The following CD86 variants were observed in gnomAD, a reference collection of about 807,000 sequenced individuals.
The protein encoded by CD86 is T-lymphocyte activation antigen CD86.
Under a neutral mutation model 32.1 loss-of-function variants are expected in CD86, and 11 were observed. The observed-to-expected ratio is 0.34, with a 90% CI of 0.22 to 0.57. CD86 has a LOEUF of 0.57. Among genes scored for constraint, CD86 ranks in the 20% least tolerant of loss-of-function variants. The pLI, the probability that CD86 is intolerant of heterozygous loss-of-function variation, is 0.86. For synonymous variants in CD86, 137 were observed against 135.3 expected (o/e 1.01, Z -0.09); for missense variants, 359 against 398.4 (o/e 0.90, Z 0.84).
chr3:122,056,638 C>T (rs1394875305), intron 1 of CD86, among the ~76,000 whole-genome samples: 1 of 152,142 alleles, frequency 6.6e-6, no homozygotes, highest in Non-Finnish European at 1.5e-5. Flanking sequence ...CCGGCCGTCA[C>T]TATGTATTTA....
At chr3:122,089,826 A>G (rs978181931) in intron 1 of CD86, among the ~76,000 whole-genome samples, 3 of 152,254 alleles carry the variant, frequency 2.0e-5, no homozygotes, top group South Asian at 4.1e-4. Context: ...TTGTCATCCA[A>G]TAGAATACAA....
At chr3:122,062,022 C>A (rs2072344250) in intron 1 of CD86, among the ~76,000 whole-genome samples, 1 of 151,544 alleles carries the variant, frequency 6.6e-6, no homozygotes, top group African/African-American at 2.4e-5. Context: ...GTACACAGGA[C>A]TTCCCTGTAC....
chr3:122,100,873 T>G (rs1480632305), intron 2 of CD86, among the ~76,000 whole-genome samples: 1 of 152,148 alleles, frequency 6.6e-6, no homozygotes, highest in African/African-American at 2.4e-5. Context: ...GGAATCCCAG[T>G]AAGTCCAGTT....
intron 3 of CD86, among the ~76,000 whole-genome samples, chr3:122,104,871 G>T (rs921827995): frequency 2.0e-5 from 3 of 152,184 alleles, no homozygotes; most frequent in Admixed American, 2.0e-4. Context: ...TATGAATAAG[G>T]CTGCTGTAAA....
intron 1 of CD86, among the ~76,000 whole-genome samples, chr3:122,056,134 C>G (rs1198654845): frequency 2.0e-5 from 3 of 152,054 alleles, no homozygotes; most frequent in Admixed American, 1.3e-4. Context: ...CATCATCATT[C>G]TTTTTGACAG....
chr3:122,118,029 T>G lies in CD86; in HGVS notation c.848-19T>G. 1 of 1,610,440 alleles carries G rather than the reference T, an allele frequency of 6.2e-7. No individual in the cohort carries two copies. The highest frequency in any genetic ancestry group is 8.5e-7 in the Non-Finnish European group (1 of 1,176,950). On this transcript the variant is annotated intron_variant, in intron 5 of 6. Coordinates refer to ENST00000330540, the MANE Select transcript of CD86 (RefSeq NM_175862.5). ...CTAGGAGGAATACATTTTTGAAGAT[T>G]GTTCTTGGTGTCTTTCAGGAACCAA...
Position 122,119,601 on chromosome 3 carries a change from C to CT in CD86, c.*72dup. On this transcript the variant is annotated 3_prime_UTR_variant, in exon 7 of 7. Coordinates refer to ENST00000330540, the MANE Select transcript of CD86 (RefSeq NM_175862.5). ...TTTCCTTTGTAAGTTCCTGGGCAAC[C>CT]TTTTTGATTTCTTCCAGAAGGCAAA... 9.9e-7 allele frequency: 1 copy of CT among 1,012,282 alleles called. No individual in the cohort carries two copies. Among genetic ancestry groups the CT allele is most frequent in the South Asian group, 1.4e-5 (1 of 72,500 alleles). 62.7% of individuals were successfully genotyped at this position (1,012,282 alleles called of 1,614,324 possible). A position where few individuals can be genotyped will look rare whatever the true frequency, so the allele number is the denominator to read the frequency against.
At chr3:122,105,160 A>C (rs185924824) in intron 3 of CD86, among the ~76,000 whole-genome samples, 87 of 152,340 alleles carry the variant, frequency 5.7e-4, no homozygotes, top group Non-Finnish European at 1.0e-3. Flanking sequence ...GTACCATTGG[A>C]AATGTTTTAG....
intron 1 of CD86, among the ~76,000 whole-genome samples, chr3:122,082,972 T>C (rs2072655351): frequency 6.6e-6 from 1 of 152,238 alleles, no homozygotes; most frequent in Non-Finnish European, 1.5e-5. Flanking sequence ...GTCAAATGAA[T>C]AAATGAATAA....
intron 1 of CD86, among the ~76,000 whole-genome samples, chr3:122,072,577 G>A (rs1403050752): frequency 1.3e-5 from 2 of 152,100 alleles, no homozygotes; most frequent in African/African-American, 4.8e-5. Context: ...TGATGGGGTT[G>A]TTTGTTTTTT....
Position 122,113,005 on chromosome 3 carries a change from C to T in CD86, c.847+3597C>T, listed in dbSNP as rs541384327. Among the ~76,000 whole-genome samples the T allele has an allele frequency of 3.9e-5, 6 of 152,218 alleles. No homozygotes were observed. The East Asian group carries it at 1.2e-3, about 29-fold the overall frequency. ...GTGTAGTCTTTTATCTCTCACCCCTCCCACTCTTTCCTCTGAGTCCCCAAA... is the reference window on the plus strand; with the variant it reads ...GTGTAGTCTTTTATCTCTCACCCCTTCCACTCTTTCCTCTGAGTCCCCAAA... On this transcript the variant is annotated intron_variant, in intron 5 of 6. Transcript: ENST00000330540.
intron 1 of CD86, among the ~76,000 whole-genome samples, chr3:122,072,468 G>C (rs1320013050): frequency 5.3e-5 from 8 of 151,588 alleles, no homozygotes; most frequent in African/African-American, 1.2e-4. Context: ...ATTTGCATTT[G>C]TCTGATGGCC....
chr3:122,109,917 C>T lies in CD86; in HGVS notation c.847+509C>T, dbSNP rs191947201. Among the ~76,000 whole-genome samples, 20 of 152,308 alleles carry T rather than the reference C, an allele frequency of 1.3e-4. 1 individual carries two copies. Among genetic ancestry groups the T allele is most frequent in the South Asian group, 4.1e-4 (2 of 4,828 alleles). On this transcript the variant is annotated intron_variant, in intron 5 of 6. Transcript: ENST00000330540. ...AACTTTAACTAATTTCTAAGTAATA[C>T]ATATCCATTATCATATATACCAAAA...
intron 2 of CD86, among the ~76,000 whole-genome samples, chr3:122,102,117 G>A (rs768742966): frequency 4.6e-4 from 70 of 152,116 alleles, no homozygotes; most frequent in Non-Finnish European, 8.8e-4. Flanking sequence ...AGTTTGACAA[G>A]TGCATGTCAC....
chr3:122,081,436 C>T (rs971863127), intron 1 of CD86, among the ~76,000 whole-genome samples: 4 of 152,282 alleles, frequency 2.6e-5, no homozygotes, highest in Non-Finnish European at 4.4e-5. Flanking sequence ...GTGGTTCTTT[C>T]GGAAGCATCA....
At chr3:122,112,079 C>A (rs1028764218) in intron 5 of CD86, among the ~76,000 whole-genome samples, 9 of 152,084 alleles carry the variant, frequency 5.9e-5, no homozygotes, top group African/African-American at 2.2e-4. Context: ...TGTCTTTTCC[C>A]AAACAGAAAT....
chr3:122,111,320 G>A (rs113744122), intron 5 of CD86, among the ~76,000 whole-genome samples: 234 of 152,264 alleles, frequency 1.5e-3, no homozygotes, highest in African/African-American at 5.4e-3. Flanking sequence ...GGTACTCCTG[G>A]CATTGGCTAT....
chr3:122,097,103 C>G (rs1349362857), intron 2 of CD86, among the ~76,000 whole-genome samples: 4 of 152,214 alleles, frequency 2.6e-5, no homozygotes, highest in African/African-American at 9.6e-5. Flanking sequence ...CTCTCGCGGA[C>G]ACTGGGTATT....
chr3:122,100,920 G>A (rs2072989720), intron 2 of CD86, among the ~76,000 whole-genome samples: 1 of 152,050 alleles, frequency 6.6e-6, no homozygotes, highest in African/African-American at 2.4e-5. Flanking sequence ...TAAAATGGAA[G>A]GCCTGAAGTC....
Sources: gnomAD v4.1 joint callset for allele counts (sites outside exome capture counted in the v4.1 genomes callset) on GRCh38, gnomAD v4.1.1 for gene constraint, MANE v1.5 for transcripts, NCBI Gene and HGNC (gene_info 2026-07-23, HGNC 2026-07-21) for gene names.